EXT2: variants seen among roughly 807,000 people sequenced by gnomAD.
EXT2 encodes exostosin-2.
In EXT2, 53 loss-of-function variants were observed where a neutral mutation model predicts 81.6. The ratio of observed to expected loss-of-function variants is 0.65; its 90% CI spans 0.52 to 0.82. The LOEUF is 0.82. Ranked by LOEUF, EXT2 falls within the 40% of genes least tolerant of loss-of-function variation. The pLI is 0.00. For synonymous variants in EXT2, 320 were observed against 340.0 expected (o/e 0.94, Z 0.65); for missense variants, 774 against 910.2 (o/e 0.85, Z 1.93).
chr11:44,099,205 A>G (rs1181262869), intron 1 of EXT2, among the ~76,000 whole-genome samples: 1 of 151,708 alleles, frequency 6.6e-6, no homozygotes, highest in Admixed American at 6.6e-5. Context: ...TTCGTTTTTG[A>G]GACGGAGTCT....
chr11:44,107,717 G>T lies in EXT2; in HGVS notation c.5G>T (p.Cys2Phe), dbSNP rs1565196088. Residue 2 changes from cysteine (C) to phenylalanine (F), a missense_variant, in exon 2 of 14, where the codon TGT (cysteine) becomes TTT (phenylalanine). By Grantham distance (205) the Cys-to-Phe change is radical. Transcript: ENST00000533608. ...GAAGAGGCTGTCTGTGTCATTATGT[G>T]TGCGTCGGTCAAGTATAATATCCGG... M[C>F]ASVKYNIRGP... 6.2e-7 allele frequency: 1 copy of T among 1,614,156 alleles called. No homozygotes were observed. Among genetic ancestry groups the T allele is most frequent in the East Asian group, 2.2e-5 (1 of 44,880 alleles).
chr11:44,244,130 T>A lies in EXT2; in HGVS notation c.2019-19T>A. 3 of 1,613,306 alleles carry A rather than the reference T, an allele frequency of 1.9e-6. 1 individual carries two copies. Among genetic ancestry groups the A allele is most frequent in the Non-Finnish European group, 2.5e-6 (3 of 1,179,510 alleles). ...TCTGCTCAAACCCCTCCTCCCCACC[T>A]CCTCTCCAAATCCCACAGGTCAGAG... On this transcript the variant is annotated intron_variant, in intron 13 of 13. Transcript: ENST00000533608.
At chr11:44,122,102 G>A (rs751174253) in intron 4 of EXT2, among the ~76,000 whole-genome samples, 7 of 152,130 alleles carry the variant, frequency 4.6e-5, no homozygotes, top group Non-Finnish European at 7.4e-5. Context: ...CACTAGTTTT[G>A]TGCTGTCAGC....
chr11:44,198,768 G>A (rs1955488422), intron 9 of EXT2, among the ~76,000 whole-genome samples: 1 of 152,180 alleles, frequency 6.6e-6, no homozygotes, highest in Non-Finnish European at 1.5e-5. Context: ...TTAGTAATGT[G>A]CACCACTGTC....
chr11:44,123,288 T>C (rs1453063264), intron 4 of EXT2, among the ~76,000 whole-genome samples: 1 of 152,222 alleles, frequency 6.6e-6, no homozygotes, highest in East Asian at 1.9e-4. Flanking sequence ...CCATTCTCTC[T>C]TCAAAGCCAA....
At chr11:44,122,369 C>G (rs1249632834) in intron 4 of EXT2, among the ~76,000 whole-genome samples, 1 of 152,228 alleles carries the variant, frequency 6.6e-6, no homozygotes, top group Non-Finnish European at 1.5e-5. Context: ...AAATTTTCCT[C>G]TTGCTTAAAC....
intron 7 of EXT2, among the ~76,000 whole-genome samples, chr11:44,151,310 A>G (rs1189511862): frequency 1.3e-5 from 2 of 152,178 alleles, no homozygotes; most frequent in African/African-American, 2.4e-5. Flanking sequence ...GGTTTGGACA[A>G]ACATGTATCT....
intron 7 of EXT2, among the ~76,000 whole-genome samples, chr11:44,145,930 C>T (rs1424232057): frequency 1.3e-5 from 2 of 152,174 alleles, no homozygotes; most frequent in African/African-American, 4.8e-5. Flanking sequence ...TATGTGATGT[C>T]CATTAGTGTC....
At chr11:44,168,556 T>C (rs1955027089) in intron 7 of EXT2, among the ~76,000 whole-genome samples, 1 of 152,222 alleles carries the variant, frequency 6.6e-6, no homozygotes, top group Admixed American at 6.5e-5. Context: ...GTTGAATTAC[T>C]GTAAGCCAAA....
chr11:44,129,262 T>A (rs1374209076), intron 6 of EXT2, among the ~76,000 whole-genome samples: 1 of 152,224 alleles, frequency 6.6e-6, no homozygotes, highest in East Asian at 1.9e-4. Flanking sequence ...ATGGTTAGGT[T>A]ATATCATGCT....
At chr11:44,170,016 A>C (rs1396251268) in intron 7 of EXT2, among the ~76,000 whole-genome samples, 1 of 152,178 alleles carries the variant, frequency 6.6e-6, no homozygotes, top group African/African-American at 2.4e-5. Context: ...AGGATATAGA[A>C]TATTTAAACA....
intron 7 of EXT2, among the ~76,000 whole-genome samples, chr11:44,138,492 G>C (rs1954601893): frequency 6.6e-6 from 1 of 151,860 alleles, no homozygotes; most frequent in South Asian, 2.1e-4. Context: ...TTTCCAAACC[G>C]AAGGTAATGA....
In EXT2 at chr11:44,248,306, G is replaced by C. The variant is rs1956112472; in HGVS notation, c.*4019G>C. Among the ~76,000 whole-genome samples the C allele has an allele frequency of 1.3e-5, 2 of 152,178 alleles. No homozygotes were observed. The highest frequency in any genetic ancestry group is 2.9e-5 in the Non-Finnish European group (2 of 68,024). ...ACTTCCTGAGGAGCAGTTCTGGCAG[G>C]AGTGTTAACCATATTGGCAGCAGCT... On this transcript the variant is annotated 3_prime_UTR_variant, in exon 14 of 14. Transcript: ENST00000533608.
At chr11:44,219,256 C>T (rs1262334253) in intron 10 of EXT2, among the ~76,000 whole-genome samples, 1 of 152,124 alleles carries the variant, frequency 6.6e-6, no homozygotes, top group Non-Finnish European at 1.5e-5. Context: ...AATTCCTACA[C>T]TTTGGGAACC....
intron 8 of EXT2, among the ~76,000 whole-genome samples, chr11:44,197,277 C>G (rs1955465982): frequency 1.3e-5 from 2 of 150,660 alleles, no homozygotes. Context: ...CTGTTTTCAA[C>G]CTTACCGCTT....
intron 4 of EXT2, among the ~76,000 whole-genome samples, chr11:44,119,127 T>TTC (rs1954267494): frequency 3.5e-5 from 1 of 28,822 alleles, no homozygotes; most frequent in Non-Finnish European, 7.0e-5. Context: ...TGGCTATTTA[T>TTC]ATATATATAT....
chr11:44,109,031 C>G (rs1954102746), intron 2 of EXT2, among the ~76,000 whole-genome samples, 163 bp from the exon 3 acceptor site: 1 of 152,202 alleles, frequency 6.6e-6, no homozygotes, highest in African/African-American at 2.4e-5. Flanking sequence ...TGGAGCCAGA[C>G]TTGTGTCTGA....
At chr11:44,113,281 C>T (rs1954172052) in intron 3 of EXT2, among the ~76,000 whole-genome samples, 1 of 152,052 alleles carries the variant, frequency 6.6e-6, no homozygotes, top group African/African-American at 2.4e-5. Context: ...TGGTAGCAAT[C>T]AATATTGCAA....
chr11:44,171,766 A>G (rs1446966438), intron 8 of EXT2, 24 bp downstream of exon 8: 2 of 1,613,522 alleles, frequency 1.2e-6, no homozygotes, highest in African/African-American at 1.3e-5. Flanking sequence ...AGTGCTAGCC[A>G]CATGAGGCAT....
Sources: allele counts gnomAD v4.1 joint callset (sites outside exome capture counted in the v4.1 genomes callset), GRCh38; gene constraint gnomAD v4.1.1; transcripts MANE v1.5; gene names NCBI Gene and HGNC (gene_info 2026-07-23, HGNC 2026-07-21).